The following RRAGD variants were observed in gnomAD, a reference collection of about 807,000 sequenced individuals.
RRAGD encodes the protein Ras related GTP binding D, also known as ras-related GTP-binding protein D.
A neutral mutation model predicts 35.5 loss-of-function variants in RRAGD; 12 were observed. That is an observed-to-expected ratio of 0.34 (90% CI 0.22 to 0.55). RRAGD has a LOEUF of 0.55. Ranked by LOEUF, RRAGD falls within the 20% of genes least tolerant of loss-of-function variation. The pLI, the probability that RRAGD is intolerant of heterozygous loss-of-function variation, is 0.91. For missense variants in RRAGD, 324 were observed against 490.1 expected (o/e 0.66, Z 3.20); for synonymous variants, 155 against 178.9 (o/e 0.87, Z 1.07).
chr6:89,407,031 G>A (rs1769594398), intron 1 of RRAGD, among the ~76,000 whole-genome samples: 1 of 152,174 alleles, frequency 6.6e-6, no homozygotes, highest in Non-Finnish European at 1.5e-5. Context: ...CTGCAAAAAG[G>A]GAAAGGTATT....
intron 5 of RRAGD, among the ~76,000 whole-genome samples, chr6:89,375,009 A>G (rs1303135176): frequency 1.3e-5 from 2 of 152,234 alleles, no homozygotes; most frequent in African/African-American, 4.8e-5. Context: ...AAAATTTCCA[A>G]GTAAATATAA....
At chr6:89,396,935 T>A (rs1334893251) in intron 1 of RRAGD, among the ~76,000 whole-genome samples, 1 of 151,384 alleles carries the variant, frequency 6.6e-6, no homozygotes, top group Non-Finnish European at 1.5e-5. Context: ...GAGATGGGGT[T>A]TCACCATGTC....
Position 89,380,917 on chromosome 6 carries a change from A to AG in RRAGD, c.445-551_445-550insC, listed in dbSNP as rs537019840. Among the ~76,000 whole-genome samples, 7 of 151,202 alleles carry AG rather than the reference A, an allele frequency of 4.6e-5. No individual in the cohort carries two copies. The East Asian group carries it at 1.4e-3, about 29-fold the overall frequency. ...GTAAGACTCGGTCACAAAAAGAAAA[A>AG]AAAAAAAAAAGATCAGAGTTGCGGT... On this transcript the variant is annotated intron_variant, in intron 2 of 6. Transcript: ENST00000369415.
At chr6:89,389,929 T>C (rs1187738417) in intron 1 of RRAGD, among the ~76,000 whole-genome samples, 1 of 152,128 alleles carries the variant, frequency 6.6e-6, no homozygotes, top group Admixed American at 6.6e-5. Context: ...AAACAATTAT[T>C]AAAACTAAGA....
At chr6:89,407,969 T>C (rs1384384542) in intron 1 of RRAGD, among the ~76,000 whole-genome samples, 3 of 152,166 alleles carry the variant, frequency 2.0e-5, no homozygotes, top group Admixed American at 6.5e-5. Context: ...ATAAAACATC[T>C]GATATAGAAA....
chr6:89,386,771 C>T (rs1037615209), intron 2 of RRAGD, among the ~76,000 whole-genome samples: 3 of 152,004 alleles, frequency 2.0e-5, no homozygotes, highest in African/African-American at 4.8e-5. Context: ...GAAAAAATAT[C>T]AAATATCCAT....
In RRAGD at chr6:89,411,920, A is replaced by T; in HGVS notation, c.74T>A (p.Leu25Gln). 6.5e-7 allele frequency: 1 copy of T among 1,544,978 alleles called. No homozygotes were observed. The highest frequency in any genetic ancestry group is 8.7e-7 in the Non-Finnish European group (1 of 1,147,554). ...GTCTCCGTAGTCCGCTAGCCCCACC[A>T]GCTCATCCTCCTCCTCCTCCTCCTC... ...DAEEEEEEDE[L>Q]VGLADYGDGP... The change falls in exon 1 of 7, where the codon CTG becomes CAG. Residue 25 changes from leucine (L) to glutamine (Q), a missense_variant. Coordinates refer to ENST00000369415, the MANE Select transcript of RRAGD (RefSeq NM_021244.5). This position sits in a 1 kb window ranked among gnomAD's most constrained non-coding sequence, Gnocchi z 5.6.
At chr6:89,389,928 T>G (rs1236644243) in intron 1 of RRAGD, among the ~76,000 whole-genome samples, 2 of 152,180 alleles carry the variant, frequency 1.3e-5, no homozygotes, top group Non-Finnish European at 2.9e-5. Context: ...AAAACAATTA[T>G]TAAAACTAAG....
chr6:89,372,602 A>G lies in RRAGD; in HGVS notation c.903-17T>C, dbSNP rs369646690. On this transcript the variant is annotated splice_polypyrimidine_tract_variant and intron_variant, in intron 5 of 6. Coordinates refer to ENST00000369415, the MANE Select transcript of RRAGD (RefSeq NM_021244.5). The stretch of plus-strand genomic sequence containing the variant: ...TCTTTGAGACTAAATGGGGACAGAA[A>G]CCAAAACATGTGACCATTGAGAAAG... 1.3e-6 allele frequency: 2 copies of G among 1,506,928 alleles called. No homozygotes were observed. The highest frequency in any genetic ancestry group is 1.8e-6 in the Non-Finnish European group (2 of 1,131,622). The allele number at this position is 1,506,928 out of a possible 1,614,324, so 93.3% of individuals were successfully genotyped here.
In RRAGD at chr6:89,411,892, C is replaced by G. The variant is rs1276210893; in HGVS notation, c.102G>C (p.Gly34=). The G allele has an allele frequency of 6.5e-7, 1 of 1,546,652 alleles. No homozygotes were observed. Among genetic ancestry groups the G allele is most frequent in the Non-Finnish European group, 8.7e-7 (1 of 1,148,478 alleles). The change falls in exon 1 of 7, where the codon GGG becomes GGC. Residue 34 remains glycine, a synonymous_variant. Coordinates refer to ENST00000369415, the MANE Select transcript of RRAGD (RefSeq NM_021244.5). The surrounding 1 kb of genome is among the most constrained non-coding windows in gnomAD (Gnocchi z 5.6). ...ELVGLADYGD[G]PDSSDADPDS... ...CCGGATCGGCGTCGGAGGAGTCGGG[C>G]CCGTCTCCGTAGTCCGCTAGCCCCA...
At chr6:89,395,630 C>A (rs1769318762) in intron 1 of RRAGD, among the ~76,000 whole-genome samples, 1 of 152,178 alleles carries the variant, frequency 6.6e-6, no homozygotes, top group Non-Finnish European at 1.5e-5. Flanking sequence ...GATTTCAACT[C>A]CACATTTTCT....
rs71556520 is a variant in RRAGD at position 89,402,038 on chromosome 6, A to ATTTTTTTTTTTTTTTTTTTTTTTTT, written c.148+9807_148+9808insAAAAAAAAAAAAAAAAAAAAAAAAA. On this transcript the variant is annotated intron_variant, in intron 1 of 6. Coordinates refer to ENST00000369415, the MANE Select transcript of RRAGD (RefSeq NM_021244.5). ...TGAAAGCACTGAGGAAATCCTAAGG[A>ATTTTTTTTTTTTTTTTTTTTTTTTT]TTTTTTTTTTTTTTTTTTTTTTGGT... Among the ~76,000 whole-genome samples, 2 of 78,440 alleles carry ATTTTTTTTTTTTTTTTTTTTTTTTT rather than the reference A, an allele frequency of 2.5e-5. 1 individual carries two copies. The highest frequency in any genetic ancestry group is 1.1e-3 in the South Asian group (2 of 1,822). The allele number at this position is 78,440 out of a possible 152,430, so 51.5% of individuals were successfully genotyped here.
intron 3 of RRAGD, 104 bp from the exon 4 acceptor site, chr6:89,379,442 C>T: frequency 1.8e-6 from 1 of 570,058 alleles, no homozygotes; most frequent in East Asian, 3.1e-5. Flanking sequence ...ATGTATAGTC[C>T]TAACACATAC....
At chr6:89,398,596 C>A (rs1769386750) in intron 1 of RRAGD, among the ~76,000 whole-genome samples, 1 of 152,192 alleles carries the variant, frequency 6.6e-6, no homozygotes, top group Non-Finnish European at 1.5e-5. Flanking sequence ...CAAATGTAAG[C>A]AAAGGCACAA....
chr6:89,409,704 C>T (rs1277245222), intron 1 of RRAGD, among the ~76,000 whole-genome samples: 2 of 152,172 alleles, frequency 1.3e-5, no homozygotes, highest in East Asian at 1.9e-4. Flanking sequence ...GACTGAGGAG[C>T]CTATCTGACA....
rs71556519 is a variant in RRAGD at position 89,401,262 on chromosome 6, A to ATT, written c.148+10582_148+10583dup. Among the ~76,000 whole-genome samples the ATT allele has an allele frequency of 2.1e-4, 29 of 139,498 alleles. No homozygotes were observed. In the East Asian group the frequency reaches 3.1e-3, roughly 15 times the overall value. The allele number at this position is 139,498 out of a possible 152,430, so 91.5% of individuals were successfully genotyped here. ...CTGTCCAGGGGCTTCCCCACAATATATTTTTTTTTTTTTGAGACAGAGTCT... is the reference window on the plus strand; with the variant it reads ...CTGTCCAGGGGCTTCCCCACAATATATTTTTTTTTTTTTTTGAGACAGAGTCT... On this transcript the variant is annotated intron_variant, in intron 1 of 6. Transcript: ENST00000369415.
intron 2 of RRAGD, among the ~76,000 whole-genome samples, chr6:89,383,891 AG>A (rs747326772): frequency 1.1e-4 from 16 of 152,108 alleles, no homozygotes; most frequent in Admixed American, 3.3e-4. Flanking sequence ...TGGGAGGCCG[AG>A]GCGGGTGGAT....
At chr6:89,369,410 A>G (rs544202089) in intron 6 of RRAGD, among the ~76,000 whole-genome samples, 29 of 152,348 alleles carry the variant, frequency 1.9e-4, no homozygotes, top group African/African-American at 6.7e-4. Context: ...ACTTGGCTCA[A>G]TGAGAAGGGT....
chr6:89,387,252 G>A, intron 2 of RRAGD, 43 bp downstream of exon 2: 1 of 1,576,328 alleles, frequency 6.3e-7, no homozygotes. Flanking sequence ...TGGGGTGGAG[G>A]GGACCGGCCA....
Sources: gnomAD v4.1 joint callset for allele counts (sites outside exome capture counted in the v4.1 genomes callset) on GRCh38, gnomAD v4.1.1 for gene constraint, Gnocchi (gnomAD v3.1) non-coding constraint, MANE v1.5 for transcripts, NCBI Gene and HGNC (gene_info 2026-07-23, HGNC 2026-07-21) for gene names.